Variants in ARL15 observed in about 807,000 individuals in gnomAD.
The protein encoded by ARL15 is ADP-ribosylation factor-like protein 15.
Under a neutral mutation model 25.2 loss-of-function variants are expected in ARL15, and 19 were observed. The observed-to-expected ratio is 0.75, with a 90% CI of 0.53 to 1.10. The LOEUF (loss-of-function observed/expected upper bound fraction) is 1.10. Ranked by LOEUF, ARL15 falls within the 50% of genes least tolerant of loss-of-function variation. The pLI, the probability that ARL15 is intolerant of heterozygous loss-of-function variation, is 0.00. For missense variants in ARL15, 220 were observed against 246.0 expected, an observed-to-expected ratio of 0.89 and a Z score of 0.71; for synonymous variants, 94 against 86.8, an observed-to-expected ratio of 1.08 and a Z score of -0.46.
intron 4 of ARL15, among the ~76,000 whole-genome samples, chr5:54,059,288 C>G (rs1229455128): frequency 6.6e-6 from 1 of 152,240 alleles, no homozygotes; most frequent in African/African-American, 2.4e-5. Context: ...CTAGAACACT[C>G]TTGTCTGATT....
intron 4 of ARL15, among the ~76,000 whole-genome samples, chr5:53,896,083 G>T (rs1253154965): frequency 6.6e-6 from 1 of 151,282 alleles, no homozygotes; most frequent in African/African-American, 2.4e-5. Flanking sequence ...ACCCAGGCTG[G>T]AGTGCAATGG....
At chr5:54,298,910 ATT>A (rs1179021519) in intron 1 of ARL15, among the ~76,000 whole-genome samples, 2 of 146,050 alleles carry the variant, frequency 1.4e-5, no homozygotes, top group East Asian at 2.0e-4. Flanking sequence ...TTTCCTTTGC[ATT>A]TTTTGTTTTG....
chr5:54,095,827 A>T (rs1752268648), intron 4 of ARL15, among the ~76,000 whole-genome samples: 2 of 152,096 alleles, frequency 1.3e-5, no homozygotes. Flanking sequence ...TAAAAAAAAC[A>T]TCCAAAGAGA....
chr5:54,292,549 G>A (rs1758360526), intron 1 of ARL15, among the ~76,000 whole-genome samples: 1 of 152,076 alleles, frequency 6.6e-6, no homozygotes, highest in Non-Finnish European at 1.5e-5. Context: ...CCTTTCAGAT[G>A]AACAGTTTGC....
At chr5:54,057,534 G>T (rs186943941) in intron 4 of ARL15, among the ~76,000 whole-genome samples, 1 of 152,270 alleles carries the variant, frequency 6.6e-6, no homozygotes, top group East Asian at 1.9e-4. Context: ...ATAACCCACA[G>T]AAATTGTATA....
intron 4 of ARL15, among the ~76,000 whole-genome samples, chr5:54,030,649 G>A (rs1433355654): frequency 6.6e-6 from 1 of 152,150 alleles, no homozygotes; most frequent in Non-Finnish European, 1.5e-5. Context: ...GCCAAGAACA[G>A]AGAGAGAACC....
intron 4 of ARL15, among the ~76,000 whole-genome samples, chr5:54,094,391 A>G (rs1265478344): frequency 6.6e-6 from 1 of 152,054 alleles, no homozygotes; most frequent in African/African-American, 2.4e-5. Flanking sequence ...TAGGAATAAA[A>G]CATGGAAATT....
At chr5:53,889,241 T>C (rs1744639521) in intron 4 of ARL15, among the ~76,000 whole-genome samples, 2 of 152,180 alleles carry the variant, frequency 1.3e-5, no homozygotes, top group Admixed American at 1.3e-4. Flanking sequence ...TACAGCTAAT[T>C]TGAAAACAAT....
intron 1 of ARL15, among the ~76,000 whole-genome samples, chr5:54,253,244 G>A (rs1434211236): frequency 6.6e-6 from 1 of 152,134 alleles, no homozygotes; most frequent in Non-Finnish European, 1.5e-5. Context: ...AGCTCAAGGG[G>A]AGTGATATGA....
intron 4 of ARL15, among the ~76,000 whole-genome samples, chr5:53,909,980 T>C (rs1280484698): frequency 6.6e-6 from 1 of 152,184 alleles, no homozygotes; most frequent in Non-Finnish European, 1.5e-5. Context: ...GAAATATGGA[T>C]TTTTATCTTA....
chr5:54,232,775 T>C (rs551947807), intron 1 of ARL15, among the ~76,000 whole-genome samples: 9 of 152,306 alleles, frequency 5.9e-5, no homozygotes, highest in South Asian at 2.1e-4. Flanking sequence ...GAGCCATCAA[T>C]TGGAGTCTAC....
rs577243637 is a variant in ARL15, at chr5:53,928,650, G to A, written c.463-41937C>T. On this transcript the variant is annotated intron_variant, in intron 4 of 4. Coordinates refer to ENST00000504924, the MANE Select transcript of ARL15 (RefSeq NM_019087.3). The stretch of plus-strand genomic sequence containing the variant: ...AATATCCATTCATATTAATCCTCCC[G>A]CCCTCAAGTATATGGACATATTTAT... 3.3e-5 allele frequency among the ~76,000 whole-genome samples: 5 copies of A among 151,748 alleles called. No homozygotes were observed. In the South Asian group the frequency reaches 8.4e-4, roughly 25 times the overall value.
intron 4 of ARL15, among the ~76,000 whole-genome samples, chr5:54,079,967 TCACACA>T (rs58908566): frequency 0.18 from 22,570 of 124,198 alleles, 2,175 homozygotes; most frequent in Non-Finnish European, 0.24. Flanking sequence ...TGAGACTCCG[TCACACA>T]CACACACACA....
intron 4 of ARL15, among the ~76,000 whole-genome samples, chr5:54,052,761 G>A (rs756146904): frequency 2.2e-4 from 33 of 151,858 alleles, no homozygotes; most frequent in Non-Finnish European, 7.4e-5. Flanking sequence ...ACATGCACAC[G>A]TGCACACACA....
At position 54,171,787 on chromosome 5, in the gene ARL15, T is replaced by C; in HGVS notation, c.190A>G (p.Thr64Ala). Residue 64 changes from threonine to alanine, a missense_variant, in exon 2 of 5, where the codon ACA (threonine) becomes GCA (alanine). By Grantham distance (58) the Thr-to-Ala change is moderately conservative (BLOSUM62 0). Transcript: ENST00000504924. Reference sequence around the variant, plus strand: ...AGAACCCCAGCACAGTACCCACCTGTGGTCGACACGACGTTATCGGGGCTT... The same window carrying C: ...AGAACCCCAGCACAGTACCCACCTGCGGTCGACACGACGTTATCGGGGCTT... Reference protein sequence around the residue: ...SESPDNVVSTTGFSIKAVPFQ... With the variant: ...SESPDNVVSTAGFSIKAVPFQ... The C allele has an allele frequency of 3.7e-6, 6 of 1,611,958 alleles. No homozygotes were observed. Among genetic ancestry groups the C allele is most frequent in the Non-Finnish European group, 5.1e-6 (6 of 1,179,008 alleles).
intron 1 of ARL15, among the ~76,000 whole-genome samples, chr5:54,289,749 A>G (rs1431591989): frequency 1.3e-5 from 2 of 152,250 alleles, no homozygotes; most frequent in African/African-American, 4.8e-5. Context: ...TGAGGATCAT[A>G]GTAGTACCTA....
intron 4 of ARL15, among the ~76,000 whole-genome samples, chr5:53,908,812 A>T (rs1464406355): frequency 2.0e-5 from 3 of 152,238 alleles, no homozygotes; most frequent in Non-Finnish European, 4.4e-5. Context: ...CAATGAAAGG[A>T]TATTCGAGCA....
intron 4 of ARL15, among the ~76,000 whole-genome samples, chr5:53,909,160 T>C (rs767203873): frequency 2.0e-4 from 31 of 152,178 alleles, no homozygotes; most frequent in African/African-American, 6.3e-4. Context: ...AAAATAAATA[T>C]GGCTCCACTG....
intron 4 of ARL15, among the ~76,000 whole-genome samples, chr5:54,090,989 A>G (rs1236066838): frequency 6.6e-6 from 1 of 151,844 alleles, no homozygotes; most frequent in African/African-American, 2.4e-5. Flanking sequence ...TTTCTTATGT[A>G]AAAAACAAGA....
Sources: gnomAD v4.1 joint callset for allele counts (sites outside exome capture counted in the v4.1 genomes callset) on GRCh38, gnomAD v4.1.1 for gene constraint, MANE v1.5 for transcripts, NCBI Gene and HGNC (gene_info 2026-07-23, HGNC 2026-07-21) for gene names.